ANK2: variants seen among roughly 807,000 people sequenced by gnomAD.
ANK2 encodes ankyrin 2.
ANK2 carries 83 observed loss-of-function variants against 360.5 expected under a neutral mutation model. The observed-to-expected ratio is 0.23, with a 90% CI of 0.19 to 0.28. ANK2 has a LOEUF of 0.28. Among genes scored for constraint, ANK2 ranks in the 10% least tolerant of loss-of-function variants. The probability of loss-of-function intolerance (pLI) is 1.00; values close to 1 mark genes in which losing one functional copy is unlikely to be tolerated. For missense variants in ANK2, 4,201 were observed against 4,795.7 expected (o/e 0.88, Z 3.66); for synonymous variants, 1,740 against 1,759.5 (o/e 0.99, Z 0.28).
At chr4:112,828,273 C>T (rs1165349111) in intron 1 of ANK2, among the ~76,000 whole-genome samples, 2 of 126,458 alleles carry the variant, frequency 1.6e-5, no homozygotes, top group East Asian at 2.5e-4. Context: ...CTTGCTCTGT[C>T]GCCCAGGCTG....
At chr4:113,305,778 T>C (rs1403573273) in intron 23 of ANK2, among the ~76,000 whole-genome samples, 2 of 152,216 alleles carry the variant, frequency 1.3e-5, no homozygotes, top group African/African-American at 2.4e-5. Context: ...AATTATTAGC[T>C]AATCCCTGTT....
Position 113,365,189 on chromosome 4 carries a change from C to G in ANK2, c.11032+7C>G. On this transcript the variant is annotated splice_region_variant and intron_variant, in intron 41 of 45. Transcript: ENST00000357077. ...ACACTGGATCATAGTGAAGGTCAAA[C>G]TGTGTGTGTGTATGTGTGTGTGTGT... 1 of 1,562,338 alleles carries G rather than the reference C, an allele frequency of 6.4e-7. No individual in the cohort carries two copies. The highest frequency in any genetic ancestry group is 8.7e-7 in the Non-Finnish European group (1 of 1,154,356).
chr4:112,848,630 T>G (rs932583518), intron 1 of ANK2, among the ~76,000 whole-genome samples: 2 of 152,236 alleles, frequency 1.3e-5, no homozygotes, highest in African/African-American at 4.8e-5. Flanking sequence ...TAGCATTTTA[T>G]AATGCTTCTG....
In ANK2 at chr4:113,356,859, T is replaced by C; in HGVS notation, c.8241T>C (p.Arg2747=). 2 of 1,614,000 alleles carry C rather than the reference T, an allele frequency of 1.2e-6. No homozygotes were observed. Among genetic ancestry groups the C allele is most frequent in the Non-Finnish European group, 1.7e-6 (2 of 1,179,960 alleles). The change falls in exon 38 of 46, where the codon CGT becomes CGC. Residue 2747 remains arginine (R), a synonymous_variant. Transcript: ENST00000357077. ...CTGAATCCCATTTAGCTGAAGACCG[T>C]CATGCTGTTTCCACTGAGGCTGAAG... The part of the protein sequence containing the change: ...KDSESHLAED[R]HAVSTEAEDR...
chr4:112,819,109 G>A (rs2056234663), intron 1 of ANK2, among the ~76,000 whole-genome samples: 2 of 152,184 alleles, frequency 1.3e-5, no homozygotes, highest in Non-Finnish European at 2.9e-5. Flanking sequence ...TTTTTGGAGA[G>A]CAAAGGAATA....
chr4:113,158,360 G>T (rs1419060098), intron 1 of ANK2, among the ~76,000 whole-genome samples: 1 of 152,182 alleles, frequency 6.6e-6, no homozygotes, highest in East Asian at 1.9e-4. Flanking sequence ...TTGAAACCAT[G>T]ATCAGAAGAG....
intron 1 of ANK2, among the ~76,000 whole-genome samples, chr4:112,852,761 G>C (rs886171719): frequency 1.3e-5 from 2 of 152,126 alleles, no homozygotes; most frequent in Non-Finnish European, 2.9e-5. Flanking sequence ...CCAAGTGAGA[G>C]TATTGGAATG....
At chr4:113,034,682 C>T (rs753157249) in intron 2 of ANK2, 4 of 151,882 alleles carry the variant, frequency 2.6e-5, no homozygotes, top group Non-Finnish European at 4.4e-5. Flanking sequence ...GAGTAAATTA[C>T]CTGATTATTT....
intron 2 of ANK2, among the ~76,000 whole-genome samples, chr4:113,022,066 A>C (rs1344676012): frequency 6.6e-6 from 1 of 152,132 alleles, no homozygotes; most frequent in African/African-American, 2.4e-5. Context: ...TTCTTTGGTG[A>C]TTAGGGGTCT....
intron 1 of ANK2, chr4:112,904,371 T>C: frequency 2.4e-6 from 2 of 824,388 alleles, no homozygotes. Context: ...TAAGCTTATT[T>C]TGATTTGAAA....
chr4:112,781,368 G>A, the ANK2 span, among the ~76,000 whole-genome samples: 1 of 152,026 alleles, frequency 6.6e-6, no homozygotes, highest in Non-Finnish European at 1.5e-5. Flanking sequence ...CCAAAGTCCT[G>A]GGATTACAGG....
rs2084257246 is a variant in ANK2 at position 112,903,780 on chromosome 4, T to G, written c.-39-675T>G. Among the ~76,000 whole-genome samples, 2 of 152,196 alleles carry G rather than the reference T, an allele frequency of 1.3e-5. 1 individual carries two copies. The highest frequency in any genetic ancestry group is 2.9e-5 in the Non-Finnish European group (2 of 68,028). The stretch of plus-strand genomic sequence containing the variant: ...GCAAAATATAATAAAAAAAGAAGAC[T>G]TCTGTGATGCATGTATCCTGGCTCT... On this transcript the variant is annotated intron_variant, in intron 1 of 30. Coordinates refer to the ANK2 transcript ENST00000503271.
chr4:113,361,851 G>A (rs2096246170), intron 39 of ANK2, among the ~76,000 whole-genome samples: 1 of 151,914 alleles, frequency 6.6e-6, no homozygotes, highest in Admixed American at 6.6e-5. Context: ...AAATATGTTT[G>A]TATCCATACC....
At chr4:112,732,655 A>C in the ANK2 span, among the ~76,000 whole-genome samples, 1 of 152,204 alleles carries the variant, frequency 6.6e-6, no homozygotes, top group Admixed American at 6.5e-5. Context: ...TGTTTTCTAC[A>C]AAACAGAATC....
rs1487810767 is a variant in ANK2, at chr4:113,365,057, G to A, written c.10907G>A (p.Cys3636Tyr). Residue 3636 changes from cysteine (C) to tyrosine (Y), a missense_variant, in exon 41 of 46, where the codon TGT becomes TAT. This residue lies in a region of ANK2 where 2,642 missense variants were observed against 2,714.5 expected (regional missense o/e 0.97). Coordinates refer to ENST00000357077, the MANE Select transcript of ANK2 (RefSeq NM_001148.6). ...GTGTCAGATACCAACCTCGTTGAAT[G>A]TCTCACCAAGATCAACCGAATGGAT... ...KHATDTNLVE[C>Y]LTKINRMDIV... The A allele has an allele frequency of 1.9e-6, 3 of 1,613,712 alleles. No individual in the cohort carries two copies. The highest frequency in any genetic ancestry group is 1.3e-5 in the African/African-American group (1 of 74,884).
chr4:113,262,372 A>C (rs1218465623), intron 13 of ANK2, among the ~76,000 whole-genome samples: 1 of 152,080 alleles, frequency 6.6e-6, no homozygotes, highest in African/African-American at 2.4e-5. Flanking sequence ...AACTACAGGC[A>C]TGCACCACTA....
intron 15 of ANK2, among the ~76,000 whole-genome samples, chr4:113,275,875 A>T (rs1563344797): frequency 2.6e-5 from 4 of 152,100 alleles, no homozygotes; most frequent in African/African-American, 9.7e-5. Flanking sequence ...TTTAGGATTT[A>T]AAAAATATAA....
chr4:112,808,702 A>T, the ANK2 span, among the ~76,000 whole-genome samples: 1 of 152,206 alleles, frequency 6.6e-6, no homozygotes, highest in Non-Finnish European at 1.5e-5. Flanking sequence ...AATTAGAAAG[A>T]GAAGGTTGGT....
At chr4:113,259,621 AT>A (rs746188877) in intron 13 of ANK2, among the ~76,000 whole-genome samples, 2 of 152,126 alleles carry the variant, frequency 1.3e-5, no homozygotes, top group Admixed American at 6.5e-5. Context: ...GTCTATATTT[AT>A]AAGTTTTCTT....
Sources: allele counts gnomAD v4.1 joint callset (sites outside exome capture counted in the v4.1 genomes callset), GRCh38; gene constraint gnomAD v4.1.1; regional missense constraint gnomAD v4.1.1; transcripts MANE v1.5; gene names NCBI Gene and HGNC (gene_info 2026-07-23, HGNC 2026-07-21).